Variants in RMP64 observed in about 807,000 individuals in gnomAD.
RMP64 encodes ribonuclease MRP subunit p64, also known as nucleolus and neural progenitor protein.
chr3:113,014,734 C>A, the RMP64 span: 1 of 152,086 alleles, frequency 6.6e-6, no homozygotes, highest in Non-Finnish European at 1.5e-5. Flanking sequence ...CTATAAAGTA[C>A]CACAGAGATG....
At chr3:113,014,037 A>G in the RMP64 span, 1 of 1,598,568 alleles carries the variant, frequency 6.3e-7, no homozygotes, top group South Asian at 1.1e-5. Context: ...CTCAACCTGA[A>G]AGAAGAAGAG....
the RMP64 span, among the ~76,000 whole-genome samples, chr3:113,006,602 C>T: frequency 4.6e-5 from 7 of 152,366 alleles, no homozygotes; most frequent in East Asian, 1.3e-3. Flanking sequence ...TTTGCTTCCA[C>T]ACACGGTACA....
chr3:113,011,485 G>A, the RMP64 span: 3 of 1,319,862 alleles, frequency 2.3e-6, no homozygotes, highest in African/African-American at 3.0e-5. Context: ...AAGATTGAAA[G>A]CTGAAAATAA....
At chr3:113,011,881 T>G in the RMP64 span, among the ~76,000 whole-genome samples, 1 of 152,202 alleles carries the variant, frequency 6.6e-6, no homozygotes, top group South Asian at 2.1e-4. Context: ...TACCTCTGAT[T>G]AAGAATAAGT....
the RMP64 span, chr3:113,003,116 T>C: frequency 0.011 from 1,716 of 153,106 alleles, 15 homozygotes; most frequent in South Asian, 0.026. Flanking sequence ...CCAAAGTGGG[T>C]GGATCCCTTG....
At chr3:113,006,145 A>C in the RMP64 span, 1 of 639,400 alleles carries the variant, frequency 1.6e-6, no homozygotes, top group African/African-American at 1.8e-5. Flanking sequence ...AACCACATCG[A>C]AAAATTTCAC....
chr3:113,011,480 T>C, the RMP64 span: 10 of 1,334,622 alleles, frequency 7.5e-6, no homozygotes, highest in Non-Finnish European at 1.0e-5. Context: ...ACTGCAAGAT[T>C]GAAAGCTGAA....
At chr3:113,005,691 G>T in the RMP64 span, 1 of 1,613,892 alleles carries the variant, frequency 6.2e-7, no homozygotes, top group Non-Finnish European at 8.5e-7. Flanking sequence ...TCCTTAGTTT[G>T]TATGACAGGC....
At chr3:113,013,816 A>G in the RMP64 span, 2 of 700,968 alleles carry the variant, frequency 2.9e-6, no homozygotes, top group Non-Finnish European at 5.1e-6. Flanking sequence ...CAGGTACCCC[A>G]CATTAAAACA....
At chr3:113,003,585 T>TGAA in the RMP64 span, 2 of 152,138 alleles carry the variant, frequency 1.3e-5, no homozygotes, top group Non-Finnish European at 2.9e-5. Flanking sequence ...GGGCAGAAGA[T>TGAA]GGGAAAATGA....
chr3:113,004,460 G>A, the RMP64 span: 20 of 152,220 alleles, frequency 1.3e-4, no homozygotes, highest in Non-Finnish European at 4.4e-5. Context: ...ATAAAGAATG[G>A]AAGGGAAATA....
chr3:113,005,511 A>C, the RMP64 span: 2 of 1,436,118 alleles, frequency 1.4e-6, no homozygotes, highest in Non-Finnish European at 9.8e-7. Context: ...TTAATCACTT[A>C]AAAGTCTCAC....
the RMP64 span, among the ~76,000 whole-genome samples, chr3:113,007,796 G>A: frequency 0.018 from 2,668 of 152,284 alleles, 82 homozygotes; most frequent in African/African-American, 0.062. Flanking sequence ...CCACTGCACT[G>A]CACTGAAGCT....
At chr3:113,004,636 C>T in the RMP64 span, 6 of 152,170 alleles carry the variant, frequency 3.9e-5, no homozygotes, top group African/African-American at 1.4e-4. Context: ...CTACCTCAAA[C>T]TTCACATCAT....
At chr3:113,009,736 C>A in the RMP64 span, among the ~76,000 whole-genome samples, 2 of 152,110 alleles carry the variant, frequency 1.3e-5, no homozygotes, top group East Asian at 3.9e-4. Context: ...AATAAGCATG[C>A]CCACCTCACA....
the RMP64 span, chr3:113,013,438 T>A: frequency 2.0e-6 from 3 of 1,495,382 alleles, no homozygotes; most frequent in Non-Finnish European, 2.7e-6. Context: ...TTACTTTCAC[T>A]TAAAAAAAAA....
At chr3:113,007,897 A>G in the RMP64 span, among the ~76,000 whole-genome samples, 1 of 152,212 alleles carries the variant, frequency 6.6e-6, no homozygotes, top group Admixed American at 6.5e-5. Flanking sequence ...GGCTCAGCAC[A>G]CTAGACACTC....
chr3:113,008,076 C>T, the RMP64 span: 2 of 1,151,032 alleles, frequency 1.7e-6, no homozygotes, highest in East Asian at 4.7e-5. Flanking sequence ...GCTGCGGCTG[C>T]TGGACATCAC....
the RMP64 span, chr3:113,019,660 GACTT>G: frequency 6.2e-7 from 1 of 1,608,506 alleles, no homozygotes; most frequent in South Asian, 1.1e-5. Flanking sequence ...GAGGCGGGGG[GACTT>G]ACGAAAGGCG....
Sources: allele counts gnomAD v4.1 joint callset (sites outside exome capture counted in the v4.1 genomes callset), GRCh38; gene constraint gnomAD v4.1.1; transcripts MANE v1.5; gene names NCBI Gene and HGNC (gene_info 2026-07-23, HGNC 2026-07-21).